Variants in RAN observed in about 807,000 individuals in gnomAD.
The protein encoded by RAN is RAN, member RAS oncogene family.
A neutral mutation model predicts 26.8 loss-of-function variants in RAN; 2 were observed. The ratio of observed to expected loss-of-function variants is 0.07; its 90% CI spans 0.03 to 0.23. The LOEUF is 0.23. Ranked by LOEUF, RAN falls within the 10% of genes least tolerant of loss-of-function variation. RAN has a pLI of 1.00. For synonymous variants in RAN, 132 were observed against 95.9 expected (o/e 1.38, Z -2.20); for missense variants, 56 against 264.8 (o/e 0.21, Z 5.47).
Position 130,875,511 on chromosome 12 carries a change from C to T in RAN, c.436-101C>T, listed in dbSNP as rs530185934. 151 of 1,173,910 alleles carry T rather than the reference C, an allele frequency of 1.3e-4. No individual in the cohort carries two copies. In the African/African-American group the frequency reaches 2.2e-3, roughly 17 times the overall value. The allele number at this position is 1,173,910 out of a possible 1,614,324, so 72.7% of individuals were successfully genotyped here. A position where few individuals can be genotyped will look rare whatever the true frequency, so the allele number is the denominator to read the frequency against. ...GGATTACAGGCATGAGCCACCATGC[C>T]TTGCCAAGAATCTTAACATTTTCTT... is the stretch of plus-strand genomic sequence containing the variant. On this transcript the variant is annotated intron_variant, in intron 5 of 6. Transcript: ENST00000543796.
intron 4 of RAN, 91 bp from the exon 5 acceptor site, chr12:130,874,455 C>CTA: frequency 2.8e-6 from 3 of 1,060,436 alleles, no homozygotes; most frequent in Non-Finnish European, 4.1e-6. Context: ...AGGTCTAAGA[C>CTA]TATAACTAGT....
At chr12:130,874,759 T>C in intron 5 of RAN, 26 bp downstream of exon 5, 2 of 1,561,940 alleles carry the variant, frequency 1.3e-6, no homozygotes, top group Non-Finnish European at 1.8e-6. Flanking sequence ...ACTTCCTGAG[T>C]TATTTCTCTT....
At position 130,875,592 on chromosome 12, in the gene RAN, T is replaced by C. The variant is rs1386874918; in HGVS notation, c.436-20T>C. 6.5e-7 allele frequency: 1 copy of C among 1,531,226 alleles called. No homozygotes were observed. The highest frequency in any genetic ancestry group is 8.8e-7 in the Non-Finnish European group (1 of 1,137,362). The allele number at this position is 1,531,226 out of a possible 1,614,324, so 94.9% of individuals were successfully genotyped here. On this transcript the variant is annotated intron_variant, in intron 5 of 6. Transcript: ENST00000543796. ...TTAATAATGAATTTTAAAAAGTAAT[T>C]TTACCTTTCTTTTAAACAGTACTAC...
chr12:130,875,459 A>G (rs12312911), intron 5 of RAN, among the ~76,000 whole-genome samples, 153 bp from the exon 6 acceptor site: 9,113 of 150,554 alleles, frequency 0.061, 364 homozygotes, highest in Non-Finnish European at 0.087. Context: ...GCCTCAGGCA[A>G]TCCCACCTCA....
chr12:130,875,746 C>T lies in RAN; in HGVS notation c.570C>T (p.Asp190=). ...PALAPPEVVM[D]PALAAQYEHD... ...TCGCCCCACCAGAAGTTGTCATGGACCCAGCTTTGGCAGCACAGTATGAGC... is the reference window on the plus strand; with the variant it reads ...TCGCCCCACCAGAAGTTGTCATGGATCCAGCTTTGGCAGCACAGTATGAGC... The change falls in exon 6 of 7, where the codon GAC becomes GAT. Residue 190 remains aspartate (D), a synonymous_variant. Coordinates refer to ENST00000543796, the MANE Select transcript of RAN (RefSeq NM_006325.5). The T allele has an allele frequency of 6.2e-7, 1 of 1,614,016 alleles. No individual in the cohort carries two copies. Among genetic ancestry groups the T allele is most frequent in the Non-Finnish European group, 8.5e-7 (1 of 1,179,958 alleles).
At chr12:130,873,375 G>A (rs1009342214) in intron 4 of RAN, 4 of 435,058 alleles carry the variant, frequency 9.2e-6, no homozygotes, top group Non-Finnish European at 1.7e-5. Flanking sequence ...GGACTTATAA[G>A]TCATATTTAA....
chr12:130,873,848 T>G (rs1372704478), intron 4 of RAN: 2 of 170,994 alleles, frequency 1.2e-5, no homozygotes, highest in Non-Finnish European at 2.6e-5. Context: ...CAGGTGAATA[T>G]ATAGGCTTTA....
At chr12:130,873,880 A>AT (rs998910965) in intron 4 of RAN, 75 of 175,142 alleles carry the variant, frequency 4.3e-4, no homozygotes, top group South Asian at 7.3e-4. Flanking sequence ...TATTTATTTA[A>AT]TTTTTTTTTG....
intron 4 of RAN, 28 bp downstream of exon 4, chr12:130,873,156 T>G (rs558978416): frequency 1.2e-6 from 2 of 1,613,786 alleles, no homozygotes; most frequent in Non-Finnish European, 1.7e-6. Context: ...GCTGAACGGT[T>G]TTTGAGAGGT....
intron 4 of RAN, 135 bp downstream of exon 4, chr12:130,873,263 G>C (rs1398249776): frequency 3.3e-6 from 4 of 1,214,714 alleles, no homozygotes; most frequent in Non-Finnish European, 4.6e-6. Flanking sequence ...ACTTCGGGGA[G>C]TTGACCACCA....
chr12:130,872,691 C>T (rs1476216574), intron 2 of RAN, 62 bp downstream of exon 2: 12 of 1,538,166 alleles, frequency 7.8e-6, no homozygotes, highest in Admixed American at 6.2e-5. Flanking sequence ...GCGGGTCCCT[C>T]CTCCTGGGGC....
At chr12:130,873,233 G>A in intron 4 of RAN, 105 bp downstream of exon 4, 1 of 1,483,244 alleles carries the variant, frequency 6.7e-7, no homozygotes, top group Non-Finnish European at 9.1e-7. Context: ...GTCATTTTTG[G>A]GTTAAAAAAA....
chr12:130,876,083 G>A lies in RAN; in HGVS notation c.*157G>A. 1 of 729,130 alleles carries A rather than the reference G, an allele frequency of 1.4e-6. No individual in the cohort carries two copies. The highest frequency in any genetic ancestry group is 2.2e-6 in the Non-Finnish European group (1 of 446,896). 45.2% of individuals were successfully genotyped at this position (729,130 alleles called of 1,614,324 possible). A position where few individuals can be genotyped will look rare whatever the true frequency, so the allele number is the denominator to read the frequency against. On this transcript the variant is annotated 3_prime_UTR_variant, in exon 7 of 7. Coordinates refer to ENST00000543796, the MANE Select transcript of RAN (RefSeq NM_006325.5). ...GAAGGAGATGAGTGGGCTTCGGAGT[G>A]AATGTGGCAGTTTAAAAAATAACTT... is the stretch of plus-strand genomic sequence containing the variant.
In RAN at chr12:130,872,572, C is replaced by T. The variant is rs549976720; in HGVS notation, c.-10-12C>T. 8.0e-6 allele frequency: 12 copies of T among 1,502,604 alleles called. No homozygotes were observed. In the Admixed American group the frequency reaches 1.8e-4, roughly 23 times the overall value. 93.1% of individuals were successfully genotyped at this position (1,502,604 alleles called of 1,614,324 possible). A position where few individuals can be genotyped will look rare whatever the true frequency, so the allele number is the denominator to read the frequency against. ...CCGCGCGAGCGCTCGCCTCCGTCCT[C>T]TGCCTCCGCAGGAACGCCGCGATGG... On this transcript the variant is annotated splice_polypyrimidine_tract_variant and intron_variant, in intron 1 of 6. Transcript: ENST00000543796.
rs549887891 is a variant in RAN at position 130,875,171 on chromosome 12, A to G, written c.435+438A>G. Among the ~76,000 whole-genome samples, 33 of 151,896 alleles carry G rather than the reference A, an allele frequency of 2.2e-4. No individual in the cohort carries two copies. The South Asian group carries it at 6.2e-3, about 29-fold the overall frequency. ...TATACTACTGTTTTTAAAGAATGAT[A>G]GAGATTGGGTTTCACTGTTGGCCCG... On this transcript the variant is annotated intron_variant, in intron 5 of 6. Transcript: ENST00000543796.
Position 130,876,816 on chromosome 12 carries a change from A to C in RAN, c.*890A>C, listed in dbSNP as rs1448348618. The C allele has an allele frequency of 2.0e-5, 3 of 152,210 alleles. No individual in the cohort carries two copies. Among genetic ancestry groups the C allele is most frequent in the African/African-American group, 4.8e-5 (2 of 41,462 alleles). The allele number at this position is 152,210 out of a possible 1,614,324, so 9.4% of individuals were successfully genotyped here. On this transcript the variant is annotated 3_prime_UTR_variant, in exon 7 of 7. Coordinates refer to ENST00000543796, the MANE Select transcript of RAN (RefSeq NM_006325.5). The stretch of plus-strand genomic sequence containing the variant: ...GATGCTTAGTGTGAAGTTGATACGC[A>C]AGGAAAATGGTCCATGTTTACCCAC...
intron 4 of RAN, chr12:130,873,854 C>T (rs1953187685): frequency 5.7e-6 from 1 of 174,456 alleles, no homozygotes; most frequent in South Asian, 9.5e-5. Flanking sequence ...AATATATAGG[C>T]TTTATCTGGG....
Position 130,872,597 on chromosome 12 carries a change from G to T in RAN, c.4G>T (p.Ala2Ser). The change falls in exon 2 of 7, where the codon GCT (alanine) becomes TCT (serine). Residue 2 changes from alanine to serine, a missense_variant. Transcript: ENST00000543796. ...CTGCCTCCGCAGGAACGCCGCGATG[G>T]CTGCGCAGGGAGAGCCCCAGGTCCA... Reference protein sequence around the residue: MAAQGEPQVQFK... With the variant: MSAQGEPQVQFK... The T allele has an allele frequency of 6.6e-7, 1 of 1,521,260 alleles. No individual in the cohort carries two copies. The highest frequency in any genetic ancestry group is 8.8e-7 in the Non-Finnish European group (1 of 1,138,048). 94.2% of individuals were successfully genotyped at this position (1,521,260 alleles called of 1,614,324 possible). A position where few individuals can be genotyped will look rare whatever the true frequency, so the allele number is the denominator to read the frequency against.
At chr12:130,874,356 C>T in intron 4 of RAN, 190 bp from the exon 5 acceptor site, 3 of 527,376 alleles carry the variant, frequency 5.7e-6, no homozygotes, top group Non-Finnish European at 1.0e-5. Flanking sequence ...ATAGGGTCAG[C>T]TCATCTCTCT....
Sources: gnomAD v4.1 joint callset for allele counts (sites outside exome capture counted in the v4.1 genomes callset) on GRCh38, gnomAD v4.1.1 for gene constraint, MANE v1.5 for transcripts, NCBI Gene and HGNC (gene_info 2026-07-23, HGNC 2026-07-21) for gene names.